MAST4: variants seen among roughly 807,000 people sequenced by gnomAD.
MAST4 encodes microtubule-associated serine/threonine-protein kinase 4.
Under a neutral mutation model 162.7 loss-of-function variants are expected in MAST4, and 89 were observed. The observed-to-expected ratio is 0.55, with a 90% confidence interval of 0.46 to 0.65. MAST4 has a LOEUF of 0.65. Ranked by LOEUF, MAST4 falls within the 30% of genes least tolerant of loss-of-function variation. The probability of loss-of-function intolerance (pLI) is 0.00; values close to 1 mark genes in which losing one functional copy is unlikely to be tolerated. For synonymous variants in MAST4, 1,479 were observed against 1,361.1 expected, an observed-to-expected ratio of 1.09 and a Z score of -1.91; for missense variants, 3,153 against 3,374.0, an observed-to-expected ratio of 0.93 and a Z score of 1.62.
At chr5:66,954,255 G>A (rs1426441457) in intron 4 of MAST4, among the ~76,000 whole-genome samples, 1 of 152,028 alleles carries the variant, frequency 6.6e-6, no homozygotes, top group Non-Finnish European at 1.5e-5. Context: ...CCTTCCAGCC[G>A]GCAAAGGTCT....
At chr5:66,882,979 C>G (rs1761787351) in intron 3 of MAST4, among the ~76,000 whole-genome samples, 1 of 152,162 alleles carries the variant, frequency 6.6e-6, no homozygotes, top group African/African-American at 2.4e-5. Flanking sequence ...TAGACTATGA[C>G]CAGGGACCAT....
chr5:66,959,380 T>C (rs1745723431), intron 4 of MAST4: 4 of 765,846 alleles, frequency 5.2e-6, no homozygotes, highest in Non-Finnish European at 9.7e-6. Context: ...CATTTGTTTG[T>C]ACTGACAGCC....
intron 1 of MAST4, among the ~76,000 whole-genome samples, chr5:66,669,557 G>A (rs571280687): frequency 1.4e-4 from 21 of 152,308 alleles, no homozygotes; most frequent in African/African-American, 4.8e-4. Flanking sequence ...GGGAGAGGTA[G>A]GGAGCAAATA....
rs1323807198 is a variant in MAST4, at chr5:67,163,080, G to A, written c.3968-67G>A. The A allele has an allele frequency of 6.6e-7, 1 of 1,518,046 alleles. No homozygotes were observed. Among genetic ancestry groups the A allele is most frequent in the Non-Finnish European group, 9.0e-7 (1 of 1,116,726 alleles). 94.0% of individuals were successfully genotyped at this position (1,518,046 alleles called of 1,614,324 possible). A position where few individuals can be genotyped will look rare whatever the true frequency, so the allele number is the denominator to read the frequency against. On this transcript the variant is annotated intron_variant, in intron 28 of 28. Transcript: ENST00000403625. The surrounding 1 kb of genome is among the most constrained non-coding windows in gnomAD (Gnocchi z 7.0). The stretch of plus-strand genomic sequence containing the variant: ...CCTGGCCTTACCTAATACAGTCTGG[G>A]CTACAACTGTGAAAAAAAGGGGAAA...
intron 4 of MAST4, among the ~76,000 whole-genome samples, chr5:67,047,497 G>C (rs1171268654): frequency 6.6e-6 from 1 of 152,172 alleles, no homozygotes; most frequent in Admixed American, 6.5e-5. Flanking sequence ...CTGACCACCT[G>C]TTTGAAATTG....
At chr5:66,919,963 TCCTTCCTTCCTTCTTTCTCTC>T (rs1561446277) in intron 4 of MAST4, among the ~76,000 whole-genome samples, 13 of 111,200 alleles carry the variant, frequency 1.2e-4, no homozygotes, top group African/African-American at 5.0e-4. Flanking sequence ...CTTCCTTCCT[TCCTTCCTTCCTTCTTTCTCTC>T]TCTCTCTCTC....
rs377053721 is a variant in MAST4, at chr5:67,165,082, C to T, written c.5903C>T (p.Pro1968Leu). 1.1e-5 allele frequency: 18 copies of T among 1,597,090 alleles called. No homozygotes were observed. In the African/African-American group the frequency reaches 2.0e-4, roughly 18 times the overall value. The change falls in exon 29 of 29, where the codon CCA becomes CTA. Residue 1968 changes from proline (P) to leucine (L), a missense_variant. Physicochemically the swap from Pro to Leu is moderately conservative, Grantham distance 98. This residue lies in a region of MAST4 where 1,644 missense variants were observed against 1,495.0 expected (regional missense o/e 1.10). Transcript: ENST00000403625. The stretch of plus-strand genomic sequence containing the variant: ...GAAGCTTCCCCCTCAAGGGAGAAGC[C>T]AGGCCTGAGGGAATCGTCTGAAAGA... ...PPEASPSREK[P>L]GLRESSERGP...
chr5:66,706,087 G>A (rs1003393627), intron 1 of MAST4, among the ~76,000 whole-genome samples: 39 of 152,096 alleles, frequency 2.6e-4, no homozygotes, highest in Non-Finnish European at 8.8e-5. Context: ...TGGAGTTTTA[G>A]TACTGTGAAG....
At chr5:66,854,737 C>T (rs1034099551) in intron 3 of MAST4, among the ~76,000 whole-genome samples, 2 of 152,064 alleles carry the variant, frequency 1.3e-5, no homozygotes, top group Non-Finnish European at 2.9e-5. Flanking sequence ...CACTAAATCC[C>T]ATACTCAAGG....
chr5:67,118,650 A>T (rs754595713), intron 12 of MAST4, 32 bp from the exon 13 acceptor site: 4 of 1,347,516 alleles, frequency 3.0e-6, no homozygotes, highest in Non-Finnish European at 4.1e-6. Context: ...CAATATTTTT[A>T]TTAAGCTTAA....
chr5:66,965,597 G>GT (rs1203295498), intron 4 of MAST4, among the ~76,000 whole-genome samples: 2 of 109,222 alleles, frequency 1.8e-5, no homozygotes, highest in African/African-American at 7.0e-5. Flanking sequence ...CGGGGGGGGG[G>GT]GCGGTGAAGG....
chr5:66,979,417 G>A (rs1318095359), intron 4 of MAST4, among the ~76,000 whole-genome samples: 3 of 152,156 alleles, frequency 2.0e-5, no homozygotes, highest in African/African-American at 7.2e-5. Flanking sequence ...AGCATGTTCA[G>A]CTGCAACCTG....
At chr5:66,960,450 A>G (rs2150156652) in intron 4 of MAST4, among the ~76,000 whole-genome samples, 1 of 152,282 alleles carries the variant, frequency 6.6e-6, no homozygotes, top group East Asian at 1.9e-4. Context: ...AATAGTATTT[A>G]CCCATTGCCC....
At chr5:67,078,690 T>G (rs1270474903) in intron 5 of MAST4, among the ~76,000 whole-genome samples, 1 of 135,232 alleles carries the variant, frequency 7.4e-6, no homozygotes, top group African/African-American at 2.9e-5. Flanking sequence ...TTATTTATAT[T>G]TATATATTTA....
chr5:67,069,287 G>GATATATATAT (rs6149054), intron 5 of MAST4, among the ~76,000 whole-genome samples: 2,373 of 107,546 alleles, frequency 0.022, 92 homozygotes, highest in Admixed American at 0.041. Context: ...GAGGAGATTG[G>GATATATATAT]ATATATATAT....
chr5:67,018,082 C>T (rs1185205233), intron 4 of MAST4, among the ~76,000 whole-genome samples: 1 of 152,034 alleles, frequency 6.6e-6, no homozygotes, highest in South Asian at 2.1e-4. Flanking sequence ...TACTATGGTA[C>T]ACTGTGTCAT....
At chr5:66,690,858 C>G (rs563691809) in intron 1 of MAST4, among the ~76,000 whole-genome samples, 2 of 152,156 alleles carry the variant, frequency 1.3e-5, no homozygotes, top group African/African-American at 4.8e-5. Flanking sequence ...CACGCCTTTA[C>G]AGGGGTGGCT....
At chr5:67,147,652 C>G (rs1326587535) in intron 23 of MAST4, among the ~76,000 whole-genome samples, 1 of 152,154 alleles carries the variant, frequency 6.6e-6, no homozygotes, top group African/African-American at 2.4e-5. Context: ...GTCAGTGATC[C>G]CATCCAAACC....
At position 67,163,624 on chromosome 5, in the gene MAST4, G is replaced by C. The variant is rs948541578; in HGVS notation, c.4445G>C (p.Arg1482Pro). 5.0e-6 allele frequency: 8 copies of C among 1,604,420 alleles called. No individual in the cohort carries two copies. The African/African-American group carries it at 1.1e-4, about 21-fold the overall frequency. ...GAGGTGCAGCGGGAGCAGTCCCAGC[G>C]GGAGGCGCCGCTGCAGAGCCTGGAT... ...QEEVQREQSQ[R>P]EAPLQSLDEN... is the part of the protein sequence containing the mutation. Residue 1482 changes from arginine (R) to proline (P), a missense_variant, in exon 29 of 29, where the codon CGG (arginine) becomes CCG (proline). Physicochemically the swap from Arg to Pro is moderately radical, Grantham distance 103. Coordinates refer to ENST00000403625, the MANE Select transcript of MAST4 (RefSeq NM_001164664.2). The surrounding 1 kb of genome is among the most constrained non-coding windows in gnomAD (Gnocchi z 7.0).
Sources: gnomAD v4.1 joint callset for allele counts (sites outside exome capture counted in the v4.1 genomes callset) on GRCh38, gnomAD v4.1.1 for gene constraint, gnomAD v4.1.1 regional missense constraint, Gnocchi (gnomAD v3.1) non-coding constraint, MANE v1.5 for transcripts, NCBI Gene and HGNC (gene_info 2026-07-23, HGNC 2026-07-21) for gene names.